Variants in PPP2R2C observed in about 807,000 individuals in gnomAD.
PPP2R2C encodes protein phosphatase 2, regulatory subunit B, gamma.
A neutral mutation model predicts 45.3 loss-of-function variants in PPP2R2C; 10 were observed. The ratio of observed to expected loss-of-function variants is 0.22; its 90% CI spans 0.14 to 0.37. The LOEUF is 0.37. Among genes scored for constraint, PPP2R2C ranks in the 10% least tolerant of loss-of-function variants. PPP2R2C has a pLI of 1.00. For missense variants in PPP2R2C, 308 were observed against 619.7 expected, an observed-to-expected ratio of 0.50 and a Z score of 5.34; for synonymous variants, 257 against 245.4, an observed-to-expected ratio of 1.05 and a Z score of -0.44.
At chr4:6,358,512 T>G (rs562385034) in intron 5 of PPP2R2C, among the ~76,000 whole-genome samples, 9 of 119,790 alleles carry the variant, frequency 7.5e-5, no homozygotes, top group African/African-American at 2.8e-4. Context: ...AAAGAGCTTC[T>G]GCACAGCAAA....
chr4:6,538,191 G>A (rs973902639), intron 1 of PPP2R2C, among the ~76,000 whole-genome samples: 7 of 151,796 alleles, frequency 4.6e-5, no homozygotes, highest in African/African-American at 7.3e-5. Flanking sequence ...TCTTCCCAAC[G>A]GCCCACTGAG....
At chr4:6,490,220 G>T (rs1722656630) in intron 2 of PPP2R2C, among the ~76,000 whole-genome samples, 1 of 152,150 alleles carries the variant, frequency 6.6e-6, no homozygotes, top group South Asian at 2.1e-4. Context: ...GCCTTTTGTG[G>T]GCAGGTTCCT....
intron 6 of PPP2R2C, among the ~76,000 whole-genome samples, chr4:6,337,632 T>TGGATTCAGCCAGAATCACAGGGG (rs1340506594): frequency 2.6e-5 from 4 of 152,130 alleles, no homozygotes; most frequent in African/African-American, 9.6e-5. Context: ...GACTTGCGGG[T>TGGATTCAGCCAGAATCACAGGGG]GGATTCAGCC....
intron 1 of PPP2R2C, among the ~76,000 whole-genome samples, chr4:6,392,990 A>C (rs189686668): frequency 5.3e-5 from 8 of 152,188 alleles, no homozygotes; most frequent in Non-Finnish European, 8.8e-5. Flanking sequence ...CTCCAGGTCT[A>C]TGAGGAAAGG....
chr4:6,526,900 C>A (rs1315035057), intron 2 of PPP2R2C, among the ~76,000 whole-genome samples: 1 of 152,192 alleles, frequency 6.6e-6, no homozygotes. Context: ...ACAGCCATCA[C>A]GGTAGGCTTT....
chr4:6,484,393 T>C (rs770213423), intron 2 of PPP2R2C, among the ~76,000 whole-genome samples: 2 of 151,966 alleles, frequency 1.3e-5, no homozygotes, highest in Non-Finnish European at 1.5e-5. Context: ...AGCTTTATAA[T>C]AAATCTTGAA....
intron 5 of PPP2R2C, among the ~76,000 whole-genome samples, chr4:6,370,766 T>C (rs374714043): frequency 1.1e-3 from 173 of 152,276 alleles, no homozygotes; most frequent in African/African-American, 4.1e-3. Flanking sequence ...TCAAACATGC[T>C]CGTGCAGCAG....
Position 6,361,921 on chromosome 4 carries a change from A to C in PPP2R2C, c.625+10602T>G, listed in dbSNP as rs184426851. 4.4e-3 allele frequency among the ~76,000 whole-genome samples: 673 copies of C among 152,334 alleles called. 1 individual carries two copies. Among genetic ancestry groups the C allele is most frequent in the Non-Finnish European group, 6.5e-3 (443 of 68,024 alleles). ...ACACAGGTGCTCATGTCAGAGATTT[A>C]TAACGAGGCCCTGAGATGGTGCAGA... On this transcript the variant is annotated intron_variant, in intron 5 of 8. Coordinates refer to ENST00000382599, the MANE Select transcript of PPP2R2C (RefSeq NM_020416.4).
chr4:6,485,392 G>A (rs760949545), intron 2 of PPP2R2C, among the ~76,000 whole-genome samples: 1 of 151,816 alleles, frequency 6.6e-6, no homozygotes, highest in East Asian at 1.9e-4. Context: ...CTGCCCCACA[G>A]AATGATTTGG....
intron 2 of PPP2R2C, among the ~76,000 whole-genome samples, chr4:6,527,376 C>G (rs1225049454): frequency 6.6e-6 from 1 of 152,144 alleles, no homozygotes; most frequent in African/African-American, 2.4e-5. Context: ...CTGCTGTGCA[C>G]CCCTGAGCAG....
chr4:6,360,943 C>T (rs1183538536), intron 5 of PPP2R2C, among the ~76,000 whole-genome samples: 1 of 152,208 alleles, frequency 6.6e-6, no homozygotes, highest in Non-Finnish European at 1.5e-5. Flanking sequence ...TAACATCTCT[C>T]TGTGGGTTCT....
chr4:6,375,592 C>T (rs1715233290), intron 4 of PPP2R2C, among the ~76,000 whole-genome samples: 1 of 152,210 alleles, frequency 6.6e-6, no homozygotes, highest in Non-Finnish European at 1.5e-5. Flanking sequence ...CAGCCATACA[C>T]CACCCCTGCA....
At position 6,410,230 on chromosome 4, in the gene PPP2R2C, G is replaced by C. The variant is rs550499318; in HGVS notation, c.71-29136C>G. ...TTATACCAGGCTCGAGTCTGCTGGA[G>C]TAGTGGGAGCAGGCTGGGCGCACTT... is the stretch of plus-strand genomic sequence containing the variant. On this transcript the variant is annotated intron_variant, in intron 1 of 8. Coordinates refer to ENST00000382599, the MANE Select transcript of PPP2R2C (RefSeq NM_020416.4). Among the ~76,000 whole-genome samples the C allele has an allele frequency of 6.6e-5, 10 of 152,332 alleles. No individual in the cohort carries two copies. In the South Asian group the frequency reaches 2.1e-3, roughly 32 times the overall value.
intron 1 of PPP2R2C, among the ~76,000 whole-genome samples, chr4:6,437,484 G>A (rs997193151): frequency 5.9e-5 from 9 of 152,188 alleles, no homozygotes; most frequent in Admixed American, 2.0e-4. Context: ...CCAGAATTAA[G>A]AGGAAGTTAG....
At chr4:6,535,642 C>CT (rs1198213660) in intron 1 of PPP2R2C, among the ~76,000 whole-genome samples, 3 of 152,226 alleles carry the variant, frequency 2.0e-5, no homozygotes, top group Non-Finnish European at 2.9e-5. Context: ...AATGGGGTTA[C>CT]TCCTCCCCAT....
chr4:6,453,318 C>G (rs144637899), intron 1 of PPP2R2C, among the ~76,000 whole-genome samples: 63 of 152,312 alleles, frequency 4.1e-4, no homozygotes, highest in South Asian at 1.0e-3. Flanking sequence ...GTAAAGGCAG[C>G]AGGGACAGTA....
intron 5 of PPP2R2C, among the ~76,000 whole-genome samples, chr4:6,353,455 G>A (rs1342591124): frequency 1.7e-4 from 5 of 28,958 alleles, no homozygotes; most frequent in Admixed American, 5.5e-4. Context: ...CCCAACACCC[G>A]ACAGCCCCCA....
intron 2 of PPP2R2C, among the ~76,000 whole-genome samples, chr4:6,516,861 C>T (rs767874756): frequency 3.3e-5 from 5 of 152,106 alleles, no homozygotes; most frequent in Non-Finnish European, 5.9e-5. Context: ...CATGAAACCC[C>T]GCCCCAGCTG....
At chr4:6,375,113 T>C (rs551130800) in intron 4 of PPP2R2C, among the ~76,000 whole-genome samples, 1 of 152,148 alleles carries the variant, frequency 6.6e-6, no homozygotes, top group Admixed American at 6.5e-5. Flanking sequence ...CCTCATAAAC[T>C]TTCTTGGGAC....
Sources: allele counts gnomAD v4.1 joint callset (sites outside exome capture counted in the v4.1 genomes callset), GRCh38; gene constraint gnomAD v4.1.1; transcripts MANE v1.5; gene names NCBI Gene and HGNC (gene_info 2026-07-23, HGNC 2026-07-21).